Variants in LARS1 observed in about 807,000 individuals in gnomAD.
LARS1 encodes leucine--tRNA ligase, cytoplasmic.
Under a neutral mutation model 162.8 loss-of-function variants are expected in LARS1, and 100 were observed. The ratio of observed to expected loss-of-function variants is 0.61; its 90% CI spans 0.52 to 0.73. The LOEUF is 0.73. LARS1 is among the 30% of genes least tolerant of loss of function. LARS1 has a pLI of 0.00. For missense variants in LARS1, 1,258 were observed against 1,408.9 expected (o/e 0.89, Z 1.71); for synonymous variants, 457 against 462.8 (o/e 0.99, Z 0.16).
Position 146,130,122 on chromosome 5 carries a change from C to A in LARS1, c.2524G>T (p.Gly842Trp). ...CGGAACACAAGTTCTCTGTGCATCC[C>A]TTCCACAGCCAATTCACGGTACTTA... ...KDKYRELAVEGMHRELVFRFI... is the reference protein window; with the variant it reads ...KDKYRELAVEWMHRELVFRFI... Residue 842 changes from glycine (G) to tryptophan (W), a missense_variant, in exon 25 of 32, where the codon GGG becomes TGG. Coordinates refer to ENST00000394434, the MANE Select transcript of LARS1 (RefSeq NM_020117.11). 6.2e-7 allele frequency: 1 copy of A among 1,613,836 alleles called. No individual in the cohort carries two copies. Among genetic ancestry groups the A allele is most frequent in the Non-Finnish European group, 8.5e-7 (1 of 1,179,778 alleles).
Position 146,164,482 on chromosome 5 carries a change from T to C in LARS1, c.433-11A>G, listed in dbSNP as rs367618230. The C allele has an allele frequency of 8.7e-5, 141 of 1,611,950 alleles. No homozygotes were observed. The highest frequency in any genetic ancestry group is 1.9e-4 in the Admixed American group (11 of 59,276). ...AGCAGCAGCTTTACTCTGAAAATAA[T>C]GGAGAAAAATAAACTCGATCAAAGA... On this transcript the variant is annotated splice_polypyrimidine_tract_variant and intron_variant, in intron 5 of 31. Coordinates refer to ENST00000394434, the MANE Select transcript of LARS1 (RefSeq NM_020117.11).
Position 146,124,989 on chromosome 5 carries a change from T to C in LARS1, c.2992-903A>G, listed in dbSNP as rs552264270. ...TCCTAAAGAAGCCAACTCTTGAATC[T>C]AATATCATTTTATACACACACACAC... is the stretch of plus-strand genomic sequence containing the variant. On this transcript the variant is annotated intron_variant, in intron 28 of 31. Coordinates refer to ENST00000394434, the MANE Select transcript of LARS1 (RefSeq NM_020117.11). Among the ~76,000 whole-genome samples, 13 of 150,788 alleles carry C rather than the reference T, an allele frequency of 8.6e-5. No individual in the cohort carries two copies. The East Asian group carries it at 1.4e-3, about 16-fold the overall frequency.
intron 25 of LARS1, 118 bp from the exon 26 acceptor site, chr5:146,129,236 C>T (rs529675567): frequency 1.2e-6 from 1 of 828,190 alleles, no homozygotes; most frequent in Admixed American, 3.2e-5. Flanking sequence ...GCTCAGAGTT[C>T]AAACTTGACT....
intron 21 of LARS1, among the ~76,000 whole-genome samples, chr5:146,137,076 TTAG>T (rs989856356): frequency 4.6e-5 from 7 of 152,282 alleles, no homozygotes; most frequent in Middle Eastern, 3.4e-3. Context: ...TTTTGTACTT[TTAG>T]TAGAGATGGA....
intron 10 of LARS1, among the ~76,000 whole-genome samples, chr5:146,154,732 C>T (rs892819617): frequency 2.0e-5 from 3 of 151,914 alleles, no homozygotes; most frequent in African/African-American, 7.3e-5. Context: ...GAGCCAAGAT[C>T]GTGCCACTGC....
In LARS1 at chr5:146,153,723, CAG is replaced by C. The variant is rs763845172; in HGVS notation, c.1230+9_1230+10del. ...GAGGACGAAATACAAACATGAAACT[CAG>C]ATACTTACTTGCTTTTTCTTCAAGT... On this transcript the variant is annotated intron_variant, in intron 12 of 31. Transcript: ENST00000394434. 6.2e-7 allele frequency: 1 copy of C among 1,608,670 alleles called. No homozygotes were observed. The highest frequency in any genetic ancestry group is 8.5e-7 in the Non-Finnish European group (1 of 1,175,114).
At chr5:146,116,962 C>A (rs779288097) in intron 31 of LARS1, among the ~76,000 whole-genome samples, 6 of 152,198 alleles carry the variant, frequency 3.9e-5, no homozygotes, top group African/African-American at 1.2e-4. Flanking sequence ...GATATCAAGG[C>A]ATCCTGAGGG....
intron 31 of LARS1, among the ~76,000 whole-genome samples, chr5:146,115,040 C>A (rs1215771040): frequency 2.2e-5 from 2 of 90,094 alleles, no homozygotes; most frequent in East Asian, 6.6e-4. Context: ...AAGATTCTGT[C>A]GGGGGGAAAA....
intron 5 of LARS1, among the ~76,000 whole-genome samples, chr5:146,167,461 T>C (rs1431801557): frequency 6.6e-6 from 1 of 151,998 alleles, no homozygotes; most frequent in East Asian, 1.9e-4. Context: ...TGGAGTGCAG[T>C]GGCGTGATCT....
intron 3 of LARS1, 134 bp from the exon 4 acceptor site, chr5:146,172,124 C>T (rs1754310329): frequency 4.2e-6 from 3 of 718,702 alleles, no homozygotes; most frequent in Middle Eastern, 7.4e-4. Flanking sequence ...TTAGGCATCC[C>T]AAAACTCACC....
chr5:146,128,633 C>A, intron 27 of LARS1, 39 bp downstream of exon 27: 1 of 1,376,466 alleles, frequency 7.3e-7, no homozygotes, highest in Non-Finnish European at 9.9e-7. Context: ...AGGGAGCATA[C>A]AACACCATCA....
At chr5:146,148,833 T>C (rs1201271427) in intron 15 of LARS1, among the ~76,000 whole-genome samples, 1 of 152,034 alleles carries the variant, frequency 6.6e-6, no homozygotes, top group Non-Finnish European at 1.5e-5. Context: ...CCCAGCACTT[T>C]GGGAGGCCAA....
At chr5:146,176,341 A>C (rs1754571497) in intron 2 of LARS1, among the ~76,000 whole-genome samples, 1 of 151,646 alleles carries the variant, frequency 6.6e-6, no homozygotes, top group African/African-American at 2.4e-5. Flanking sequence ...AATCCCAGCT[A>C]CTAAGGAGGC....
At chr5:146,146,580 A>G (rs1753019853) in intron 15 of LARS1, among the ~76,000 whole-genome samples, 1 of 148,076 alleles carries the variant, frequency 6.8e-6, no homozygotes, top group Non-Finnish European at 1.5e-5. Context: ...AAAAGGTAAA[A>G]GAAAGTCTCT....
At chr5:146,133,275 G>C (rs996959437) in intron 22 of LARS1, among the ~76,000 whole-genome samples, 194 bp from the exon 23 acceptor site, 2 of 152,082 alleles carry the variant, frequency 1.3e-5, no homozygotes, top group African/African-American at 4.8e-5. Context: ...TAAAATATTC[G>C]AACCATCCAT....
chr5:146,126,523 T>C lies in LARS1; in HGVS notation c.2903A>G (p.Asp968Gly). The C allele has an allele frequency of 6.2e-7, 1 of 1,611,962 alleles. No individual in the cohort carries two copies. The highest frequency in any genetic ancestry group is 2.2e-5 in the East Asian group (1 of 44,844). ...HFEANNGKLP[D>G]NKVIASELGS... ...TAGTTCACTAGCAATGACTTTGTTG[T>C]CAGGCAGTTTTCCGTTATTGGCCTA... The change falls in exon 28 of 32, where the codon GAC becomes GGC. Residue 968 changes from aspartate (D) to glycine (G), a missense_variant. By Grantham distance (94) the Asp-to-Gly change is moderately conservative. Coordinates refer to ENST00000394434, the MANE Select transcript of LARS1 (RefSeq NM_020117.11).
intron 10 of LARS1, among the ~76,000 whole-genome samples, chr5:146,157,049 G>T (rs1291715576): frequency 6.6e-6 from 1 of 152,060 alleles, no homozygotes; most frequent in East Asian, 1.9e-4. Flanking sequence ...TTAAGCAAAA[G>T]AAGCTAGACA....
intron 27 of LARS1, 85 bp downstream of exon 27, chr5:146,128,587 C>T (rs1752138338): frequency 3.8e-6 from 3 of 787,996 alleles, no homozygotes; most frequent in South Asian, 2.3e-5. Context: ...TTTCTTCTCC[C>T]AGACATTGCC....
Position 146,176,530 on chromosome 5 carries a change from C to T in LARS1, c.125+1017G>A, listed in dbSNP as rs563379768. Among the ~76,000 whole-genome samples the T allele has an allele frequency of 2.6e-5, 4 of 151,400 alleles. No individual in the cohort carries two copies. In the East Asian group the frequency reaches 7.8e-4, roughly 29 times the overall value. On this transcript the variant is annotated intron_variant, in intron 2 of 31. Coordinates refer to ENST00000394434, the MANE Select transcript of LARS1 (RefSeq NM_020117.11). ...GTAAAAAAATTTGCTAGCACATTTG[C>T]TAGCACACAGTAAGTGTTCAATGTT...
Sources: allele counts gnomAD v4.1 joint callset (sites outside exome capture counted in the v4.1 genomes callset), GRCh38; gene constraint gnomAD v4.1.1; transcripts MANE v1.5; gene names NCBI Gene and HGNC (gene_info 2026-07-23, HGNC 2026-07-21).